Variants in SESN3 observed in about 807,000 individuals in gnomAD.
SESN3 encodes the protein sestrin-3.
In SESN3, 21 loss-of-function variants were observed where a neutral mutation model predicts 55.3. The ratio of observed to expected loss-of-function variants is 0.38; its 90% CI spans 0.27 to 0.55. The LOEUF (loss-of-function observed/expected upper bound fraction) is 0.55. SESN3 is among the 20% of genes least tolerant of loss of function. SESN3 has a pLI of 0.76. For missense variants in SESN3, 408 were observed against 604.3 expected (o/e 0.68, Z 3.41); for synonymous variants, 181 against 203.1 (o/e 0.89, Z 0.93).
At chr11:95,231,350 A>G (rs1472399953), upstream of SESN3, 1 of 384,056 alleles carries the variant, frequency 2.6e-6, no homozygotes, top group East Asian at 3.8e-5. Context: ...GCGCCGGCCA[A>G]TCGCAGGGGC....
Position 95,173,218 on chromosome 11 carries a change from T to C in SESN3, c.*37A>G, listed in dbSNP as rs1285248076. 1.6e-6 allele frequency: 2 copies of C among 1,216,172 alleles called. No homozygotes were observed. The highest frequency in any genetic ancestry group is 2.4e-6 in the Non-Finnish European group (2 of 831,388). The allele number at this position is 1,216,172 out of a possible 1,614,324, so 75.3% of individuals were successfully genotyped here. A position where few individuals can be genotyped will look rare whatever the true frequency, so the allele number is the denominator to read the frequency against. ...TTCAATGTTTATCTTATGTGAAAGG[T>C]CTTTACACATGTATGACATTTTCCT... On this transcript the variant is annotated 3_prime_UTR_variant, in exon 10 of 10. Coordinates refer to ENST00000536441, the MANE Select transcript of SESN3 (RefSeq NM_144665.4).
intron 1 of SESN3, among the ~76,000 whole-genome samples, chr11:95,207,911 T>G (rs1487268634): frequency 6.6e-6 from 1 of 151,398 alleles, no homozygotes. Flanking sequence ...AGAGTTCAAG[T>G]GATCCACCTG....
chr11:95,196,788 C>T (rs522586), intron 1 of SESN3, among the ~76,000 whole-genome samples: 10,955 of 152,216 alleles, frequency 0.072, 798 homozygotes, highest in East Asian at 0.3. Context: ...ACAGTTCTAC[C>T]GGACAGTGCT....
intron 1 of SESN3, among the ~76,000 whole-genome samples, chr11:95,225,095 A>G (rs1351703577): frequency 6.6e-6 from 1 of 152,180 alleles, no homozygotes; most frequent in Non-Finnish European, 1.5e-5. Context: ...TTTTTTCCCC[A>G]TTGTTCAATG....
intron 1 of SESN3, among the ~76,000 whole-genome samples, chr11:95,227,425 C>T (rs944757178): frequency 6.6e-6 from 1 of 152,000 alleles, no homozygotes; most frequent in African/African-American, 2.4e-5. Context: ...AGGATGGTCT[C>T]GATCTTTTGA....
At chr11:95,185,050 G>T (rs1473211994) in intron 5 of SESN3, among the ~76,000 whole-genome samples, 2 of 151,884 alleles carry the variant, frequency 1.3e-5, no homozygotes, top group African/African-American at 2.4e-5. Flanking sequence ...TAGTCTTTAT[G>T]ATTTGCAGTA....
chr11:95,200,176 G>A (rs574746023), intron 1 of SESN3, among the ~76,000 whole-genome samples: 1 of 152,120 alleles, frequency 6.6e-6, no homozygotes, highest in Admixed American at 6.6e-5. Context: ...CAAAAAAGTA[G>A]GTATAAACAG....
rs755387618 is a variant in SESN3, at chr11:95,212,951, TCTC to T, written c.78+17829_78+17831del. On this transcript the variant is annotated intron_variant, in intron 1 of 9. Coordinates refer to ENST00000536441, the MANE Select transcript of SESN3 (RefSeq NM_144665.4). The stretch of plus-strand genomic sequence containing the variant: ...ATCCATCACTTAAATTATCTCTTCT[TCTC>T]TATTATTTCAAATCAGTAATAGCTT... Among the ~76,000 whole-genome samples, 54 of 152,320 alleles carry T rather than the reference TCTC, an allele frequency of 3.5e-4. No individual in the cohort carries two copies. The Middle Eastern group carries it at 0.017, about 48-fold the overall frequency.
chr11:95,199,507 A>G (rs1860423401), intron 1 of SESN3, among the ~76,000 whole-genome samples: 1 of 152,080 alleles, frequency 6.6e-6, no homozygotes, highest in African/African-American at 2.4e-5. Context: ...TAAGCAACTT[A>G]TTAGATCCCT....
chr11:95,166,986 G>C lies in SESN3; in HGVS notation c.*6269C>G, dbSNP rs1859761884. 1 of 152,146 alleles carries C rather than the reference G, an allele frequency of 6.6e-6. No homozygotes were observed. Among genetic ancestry groups the C allele is most frequent in the Admixed American group, 6.5e-5 (1 of 15,274 alleles). The allele number at this position is 152,146 out of a possible 1,614,324, so 9.4% of individuals were successfully genotyped here. ...GAGAACCAGCGAAATTCAGAAAGCG[G>C]AAGTCTCTCAACATTACAAAGGAAA... On this transcript the variant is annotated 3_prime_UTR_variant, in exon 10 of 10. Coordinates refer to ENST00000536441, the MANE Select transcript of SESN3 (RefSeq NM_144665.4).
chr11:95,224,666 G>A (rs1049614006), intron 1 of SESN3, among the ~76,000 whole-genome samples: 4 of 152,134 alleles, frequency 2.6e-5, no homozygotes, highest in African/African-American at 9.7e-5. Context: ...GAACCAGGAA[G>A]CTTTAAGGCT....
chr11:95,191,718 G>GA, intron 2 of SESN3, 117 bp from the exon 3 acceptor site: 1 of 714,530 alleles, frequency 1.4e-6, no homozygotes, highest in South Asian at 2.0e-5. Flanking sequence ...AACAGACACT[G>GA]AAATTATGCA....
At position 95,198,272 on chromosome 11, in the gene SESN3, G is replaced by A. The variant is rs1013125012; in HGVS notation, c.79-4750C>T. ...TGTTGGGAAGCTTTGAGAAGATACC[G>A]CATAAAAATGTAAAACACACAAAGC... On this transcript the variant is annotated intron_variant, in intron 1 of 9. Transcript: ENST00000536441. Among the ~76,000 whole-genome samples, 13 of 150,732 alleles carry A rather than the reference G, an allele frequency of 8.6e-5. No individual in the cohort carries two copies. In the South Asian group the frequency reaches 1.0e-3, roughly 12 times the overall value.
intron 5 of SESN3, among the ~76,000 whole-genome samples, chr11:95,184,869 T>C (rs961152744): frequency 1.3e-5 from 2 of 152,022 alleles, no homozygotes; most frequent in African/African-American, 4.8e-5. Flanking sequence ...TTAAATATTA[T>C]AGTTTAGTTT....
At chr11:95,221,174 G>C (rs1860850477) in intron 1 of SESN3, among the ~76,000 whole-genome samples, 1 of 151,996 alleles carries the variant, frequency 6.6e-6, no homozygotes, top group Non-Finnish European at 1.5e-5. Flanking sequence ...TATGGTGGTG[G>C]GTGCTTGTAA....
At chr11:95,208,886 G>T (rs1248700306) in intron 1 of SESN3, among the ~76,000 whole-genome samples, 1 of 151,428 alleles carries the variant, frequency 6.6e-6, no homozygotes, top group African/African-American at 2.4e-5. Flanking sequence ...ACTGAAACTG[G>T]ACCCCTTCCT....
chr11:95,224,329 A>G (rs1241304914), intron 1 of SESN3: 1 of 327,722 alleles, frequency 3.1e-6, no homozygotes. Flanking sequence ...AATGGATTTT[A>G]CCCATATATG....
Position 95,177,839 on chromosome 11 carries a change from T to G in SESN3, c.1127A>C (p.Asp376Ala). 1 of 1,606,524 alleles carries G rather than the reference T, an allele frequency of 6.2e-7. No homozygotes were observed. The highest frequency in any genetic ancestry group is 8.5e-7 in the Non-Finnish European group (1 of 1,177,962). ...RLYSDIGHLL[D>A]EKFRMVYNLT... ...ATTGTAGACCATCCGAAACTTTTCA[T>G]CAAGAAGATGTCCAATGTCAGAATA... The change falls in exon 8 of 10, where the codon GAT (aspartate) becomes GCT (alanine). Residue 376 changes from aspartate (D) to alanine (A), a missense_variant. This residue lies in a region of SESN3 where 121 missense variants were observed against 204.9 expected (regional missense o/e 0.59). Transcript: ENST00000536441.
At chr11:95,212,565 T>A (rs1323297085) in intron 1 of SESN3, among the ~76,000 whole-genome samples, 1 of 152,182 alleles carries the variant, frequency 6.6e-6, no homozygotes, top group Non-Finnish European at 1.5e-5. Flanking sequence ...TAAGTTTTAT[T>A]ATCTACCATA....
Sources: allele counts gnomAD v4.1 joint callset (sites outside exome capture counted in the v4.1 genomes callset), GRCh38; gene constraint gnomAD v4.1.1; regional missense constraint gnomAD v4.1.1; transcripts MANE v1.5; gene names NCBI Gene and HGNC (gene_info 2026-07-23, HGNC 2026-07-21).